TENM2: variants seen among roughly 807,000 people sequenced by gnomAD.
TENM2 encodes teneurin transmembrane protein 2, also known as teneurin-2.
A neutral mutation model predicts 245.2 loss-of-function variants in TENM2; 52 were observed. The observed-to-expected ratio is 0.21, with a 90% CI of 0.17 to 0.27. The LOEUF (loss-of-function observed/expected upper bound fraction) is 0.27, where lower values mean the gene tolerates loss of function less well. Ranked by LOEUF, TENM2 falls within the 10% of genes least tolerant of loss-of-function variation. The pLI, the probability that TENM2 is intolerant of heterozygous loss-of-function variation, is 1.00. For synonymous variants in TENM2, 1,363 were observed against 1,438.9 expected, an observed-to-expected ratio of 0.95 and a Z score of 1.19; for missense variants, 3,046 against 3,666.8, an observed-to-expected ratio of 0.83 and a Z score of 4.37.
chr5:168,207,785 T>C (rs1188481608), intron 19 of TENM2, among the ~76,000 whole-genome samples: 1 of 152,308 alleles, frequency 6.6e-6, no homozygotes, highest in Non-Finnish European at 1.5e-5. Context: ...TGGGATCCTA[T>C]TGAAATGTTT....
rs36152556 is a variant in TENM2 at position 167,328,132 on chromosome 5, TAA to T, written c.226+43080_226+43081del. 8.8e-3 allele frequency among the ~76,000 whole-genome samples: 1,279 copies of T among 144,992 alleles called. 13 individuals carry two copies. The highest frequency in any genetic ancestry group is 0.026 in the African/African-American group (1,010 of 39,170). On this transcript the variant is annotated intron_variant, in intron 1 of 28. Coordinates refer to ENST00000518659, the Ensembl canonical transcript of TENM2. ...ATCGCAGCATTAAGTGTGAACTTGT[TAA>T]AAAAAAAAAATCAGTTTTCTTATTT...
At chr5:167,193,672 C>T in the TENM2 span, among the ~76,000 whole-genome samples, 1 of 151,914 alleles carries the variant, frequency 6.6e-6, no homozygotes, top group African/African-American at 2.4e-5. Context: ...ACTGTTTCTA[C>T]TTGAGGCATT....
At chr5:167,539,809 A>G (rs1772081052) in intron 2 of TENM2, among the ~76,000 whole-genome samples, 1 of 152,170 alleles carries the variant, frequency 6.6e-6, no homozygotes, top group Admixed American at 6.6e-5. Flanking sequence ...GTATCATGTG[A>G]TCTTATTAAT....
intron 2 of TENM2, among the ~76,000 whole-genome samples, chr5:167,871,970 C>T (rs1189445531): frequency 6.6e-6 from 1 of 151,922 alleles, no homozygotes; most frequent in East Asian, 1.9e-4. Flanking sequence ...CATAAGTGAA[C>T]AAAATTAGCA....
At chr5:167,702,779 C>G (rs1449743708) in intron 2 of TENM2, among the ~76,000 whole-genome samples, 21 of 152,018 alleles carry the variant, frequency 1.4e-4, no homozygotes, top group Admixed American at 1.4e-3. Context: ...ATTCTCCTGC[C>G]TCAGCCTCCC....
At chr5:167,683,031 T>C (rs1445701825) in intron 2 of TENM2, among the ~76,000 whole-genome samples, 6 of 152,190 alleles carry the variant, frequency 3.9e-5, no homozygotes, top group Non-Finnish European at 7.3e-5. Flanking sequence ...TTTAAAAATA[T>C]ATATCTCAAG....
At chr5:168,136,166 C>T (rs751495237) in intron 12 of TENM2, among the ~76,000 whole-genome samples, 1 of 152,118 alleles carries the variant, frequency 6.6e-6, no homozygotes, top group Admixed American at 6.5e-5. Flanking sequence ...AGAACGGACA[C>T]GTACTCCAGC....
intron 2 of TENM2, among the ~76,000 whole-genome samples, chr5:167,478,931 T>G (rs1767572838): frequency 6.6e-6 from 1 of 152,160 alleles, no homozygotes; most frequent in African/African-American, 2.4e-5. Context: ...ATGTATTATT[T>G]TATTTAATTT....
intron 2 of TENM2, among the ~76,000 whole-genome samples, chr5:167,410,564 T>A (rs1400219092): frequency 6.7e-6 from 1 of 149,534 alleles, no homozygotes; most frequent in Non-Finnish European, 1.5e-5. Flanking sequence ...AAAAAAAAAA[T>A]GTGTCTAAGT....
intron 2 of TENM2, among the ~76,000 whole-genome samples, chr5:167,469,696 TTATA>T (rs1343704018): frequency 1.1e-4 from 16 of 152,112 alleles, no homozygotes; most frequent in African/African-American, 3.9e-4. Flanking sequence ...ACATTTTTAT[TTATA>T]ATCCATTTTT....
chr5:168,012,810 TTTATA>T (rs1404475829), intron 5 of TENM2, among the ~76,000 whole-genome samples: 1 of 144,520 alleles, frequency 6.9e-6, no homozygotes, highest in Non-Finnish European at 1.5e-5. Context: ...CTAACAGTGG[TTTATA>T]TTGAGGCTTG....
chr5:168,023,902 A>G (rs1440129619), intron 5 of TENM2, among the ~76,000 whole-genome samples: 1 of 152,166 alleles, frequency 6.6e-6, no homozygotes, highest in East Asian at 1.9e-4. Flanking sequence ...AGTCTCAAGC[A>G]GTTTGATCTC....
At chr5:167,750,594 C>T (rs1205110210) in intron 2 of TENM2, among the ~76,000 whole-genome samples, 2 of 152,064 alleles carry the variant, frequency 1.3e-5, no homozygotes, top group African/African-American at 2.4e-5. Flanking sequence ...CTAGAACACA[C>T]GATAGTGGTA....
intron 2 of TENM2, among the ~76,000 whole-genome samples, chr5:167,788,622 C>G (rs12186530): frequency 0.12 from 17,606 of 152,200 alleles, 1,524 homozygotes; most frequent in East Asian, 0.41. Context: ...TCTTCAACAA[C>G]ACTTTTCTTA....
chr5:167,727,505 C>T (rs1021964393), intron 2 of TENM2, among the ~76,000 whole-genome samples: 2 of 152,222 alleles, frequency 1.3e-5, no homozygotes, highest in Non-Finnish European at 2.9e-5. Flanking sequence ...CTACTCCATA[C>T]ATCTGCAATT....
the TENM2 span, among the ~76,000 whole-genome samples, chr5:167,143,150 T>A: frequency 6.6e-6 from 1 of 152,166 alleles, no homozygotes. Context: ...AATCCAAATC[T>A]GTGCAGTCCT....
the TENM2 span, among the ~76,000 whole-genome samples, chr5:167,267,563 C>G: frequency 6.6e-6 from 1 of 152,144 alleles, no homozygotes; most frequent in Non-Finnish European, 1.5e-5. Flanking sequence ...ACAACTGTCT[C>G]CCGCAGAACC....
At chr5:167,329,209 A>G (rs1757280249) in intron 1 of TENM2, among the ~76,000 whole-genome samples, 1 of 152,054 alleles carries the variant, frequency 6.6e-6, no homozygotes, top group Admixed American at 6.6e-5. Flanking sequence ...AAGTTTGGAC[A>G]TGGTCTTATG....
chr5:167,781,552 G>A lies in TENM2; in HGVS notation c.503-94434G>A, dbSNP rs76203701. 4.3e-4 allele frequency among the ~76,000 whole-genome samples: 66 copies of A among 152,306 alleles called. No homozygotes were observed. The East Asian group carries it at 0.012, about 27-fold the overall frequency. On this transcript the variant is annotated intron_variant, in intron 2 of 28. Coordinates refer to ENST00000518659, the Ensembl canonical transcript of TENM2. ...CTCCTTAGAGTCTAGCCCTATAGCT[G>A]AGAGCGAGTTTAACAGAGGTAATGT...
Sources: gnomAD v4.1 joint callset for allele counts (sites outside exome capture counted in the v4.1 genomes callset) on GRCh38, gnomAD v4.1.1 for gene constraint, MANE v1.5 for transcripts, NCBI Gene and HGNC (gene_info 2026-07-23, HGNC 2026-07-21) for gene names.